Variants in LDLRAD3 observed in about 807,000 individuals in gnomAD.
The protein encoded by LDLRAD3 is low density lipoprotein receptor class A domain containing 3, also known as low-density lipoprotein receptor class A domain-containing protein 3.
LDLRAD3 carries 20 observed loss-of-function variants against 29.4 expected under a neutral mutation model. The ratio of observed to expected loss-of-function variants is 0.68; its 90% CI spans 0.48 to 0.99. The LOEUF is 0.99. Among genes scored for constraint, LDLRAD3 ranks in the 50% least tolerant of loss-of-function variants. LDLRAD3 has a pLI of 0.00. For missense variants in LDLRAD3, 420 were observed against 454.3 expected (o/e 0.92, Z 0.69); for synonymous variants, 157 against 192.7 (o/e 0.81, Z 1.53).
At chr11:35,958,514 G>A (rs1341929428) in intron 1 of LDLRAD3, among the ~76,000 whole-genome samples, 1 of 152,168 alleles carries the variant, frequency 6.6e-6, no homozygotes, top group Non-Finnish European at 1.5e-5. Flanking sequence ...GAGATCTGAT[G>A]TCAGTCACCT....
At chr11:36,030,977 T>C (rs997492962) in intron 1 of LDLRAD3, among the ~76,000 whole-genome samples, 32 of 152,210 alleles carry the variant, frequency 2.1e-4, no homozygotes, top group Admixed American at 7.8e-4. Context: ...GTTGCCCCAG[T>C]TTGGGCCCCC....
intron 4 of LDLRAD3, among the ~76,000 whole-genome samples, chr11:36,221,878 C>CT (rs1275595749): frequency 6.6e-6 from 1 of 152,086 alleles, no homozygotes; most frequent in African/African-American, 2.4e-5. Flanking sequence ...CTGAACTTTG[C>CT]TTTTTTCCCC....
chr11:36,018,009 G>C lies in LDLRAD3; in HGVS notation c.47-18094G>C, dbSNP rs79256525. 1.3e-3 allele frequency among the ~76,000 whole-genome samples: 195 copies of C among 152,300 alleles called. 6 individuals are homozygous for C. The East Asian group carries it at 0.036, about 28-fold the overall frequency. On this transcript the variant is annotated intron_variant, in intron 1 of 5. Transcript: ENST00000315571. ...GTAAGCTGAACCAGTTGAGATGTCT[G>C]TGGGTTATTATTTCTGTTGTTTATC...
chr11:36,227,391 G>C lies in LDLRAD3; in HGVS notation c.761G>C (p.Gly254Ala). 2 of 1,605,452 alleles carry C rather than the reference G, an allele frequency of 1.2e-6. No individual in the cohort carries two copies. Among genetic ancestry groups the C allele is most frequent in the Non-Finnish European group, 1.7e-6 (2 of 1,175,756 alleles). The change falls in exon 5 of 6, where the codon GGC becomes GCC. Residue 254 changes from glycine (G) to alanine (A), a missense_variant. Gly to Ala is a moderately conservative substitution (Grantham distance 60). Coordinates refer to ENST00000315571, the MANE Select transcript of LDLRAD3 (RefSeq NM_174902.4). ...SQAEQNASEV[G>A]SPPSYSEALL... is the part of the protein sequence containing the mutation. ...GCGGAGCAGAATGCGTCGGAAGTAG[G>C]CTCCCCACCCTCCTACTCCGAGGCC...
chr11:36,124,354 A>C (rs1422260548), intron 4 of LDLRAD3, among the ~76,000 whole-genome samples: 1 of 152,238 alleles, frequency 6.6e-6, no homozygotes, highest in African/African-American at 2.4e-5. Flanking sequence ...GCCAGGCACT[A>C]GCATAGGTAG....
At chr11:35,962,386 G>A (rs895573538) in intron 1 of LDLRAD3, among the ~76,000 whole-genome samples, 2 of 152,016 alleles carry the variant, frequency 1.3e-5, no homozygotes, top group Middle Eastern at 3.2e-3. Context: ...TCTCAGTCTC[G>A]TTTTGCCTCT....
intron 4 of LDLRAD3, among the ~76,000 whole-genome samples, chr11:36,128,401 A>G (rs561733732): frequency 1.3e-5 from 2 of 152,056 alleles, no homozygotes; most frequent in Non-Finnish European, 2.9e-5. Flanking sequence ...CCAAACCACC[A>G]TGCACAGATG....
chr11:36,208,328 A>G (rs1855238320), intron 4 of LDLRAD3, among the ~76,000 whole-genome samples: 1 of 152,258 alleles, frequency 6.6e-6, no homozygotes, highest in African/African-American at 2.4e-5. Flanking sequence ...TGTTTCACAC[A>G]GTTCTGGAGC....
At chr11:36,081,895 C>A (rs1853121771) in intron 3 of LDLRAD3, 117 bp downstream of exon 3, 2 of 1,198,078 alleles carry the variant, frequency 1.7e-6, no homozygotes, top group Non-Finnish European at 2.3e-6. Flanking sequence ...GCATTCTCTT[C>A]TGTTACCCAG....
intron 2 of LDLRAD3, among the ~76,000 whole-genome samples, chr11:36,038,225 GTAT>G (rs1454505492): frequency 6.6e-6 from 1 of 152,134 alleles, no homozygotes; most frequent in Non-Finnish European, 1.5e-5. Flanking sequence ...TTTTTTAAAA[GTAT>G]TATTATGTCT....
At chr11:36,062,281 C>CA (rs1189990786) in intron 2 of LDLRAD3, among the ~76,000 whole-genome samples, 1 of 152,112 alleles carries the variant, frequency 6.6e-6, no homozygotes, top group Non-Finnish European at 1.5e-5. Context: ...TCTGAAAAGG[C>CA]AAAAAATCCA....
At chr11:36,145,698 GACCTTACCCCCA>G (rs202080447) in intron 4 of LDLRAD3, among the ~76,000 whole-genome samples, 1,930 of 151,690 alleles carry the variant, frequency 0.013, 53 homozygotes, top group African/African-American at 0.044. Flanking sequence ...GTTAATCTGT[GACCTTACCCCCA>G]ACCCTGTGCT....
chr11:36,040,604 T>A (rs918721135), intron 2 of LDLRAD3, among the ~76,000 whole-genome samples: 4 of 152,210 alleles, frequency 2.6e-5, no homozygotes, highest in Admixed American at 2.6e-4. Context: ...TCTTTCCAGT[T>A]TTCCACTATG....
At chr11:36,144,387 C>T (rs1854137926) in intron 4 of LDLRAD3, among the ~76,000 whole-genome samples, 3 of 142,034 alleles carry the variant, frequency 2.1e-5, no homozygotes, top group Admixed American at 6.9e-5. Flanking sequence ...TGCCTGGCCG[C>T]CCATCATCTG....
intron 1 of LDLRAD3, among the ~76,000 whole-genome samples, chr11:36,028,606 G>A (rs184465143): frequency 2.0e-4 from 31 of 152,152 alleles, no homozygotes; most frequent in Non-Finnish European, 4.4e-5. Flanking sequence ...TTTGATAATG[G>A]GAAGCACTAA....
chr11:36,050,446 G>A (rs1442760760), intron 2 of LDLRAD3, among the ~76,000 whole-genome samples: 3 of 152,194 alleles, frequency 2.0e-5, no homozygotes, highest in Admixed American at 6.5e-5. Flanking sequence ...TGAAGCTGTT[G>A]GATGACAGGG....
intron 1 of LDLRAD3, among the ~76,000 whole-genome samples, chr11:36,028,929 T>C (rs1410223636): frequency 1.3e-5 from 2 of 152,138 alleles, no homozygotes; most frequent in Non-Finnish European, 2.9e-5. Flanking sequence ...GCCTGTTTCA[T>C]AGGGCAATTG....
intron 4 of LDLRAD3, among the ~76,000 whole-genome samples, chr11:36,209,802 T>C (rs1327005053): frequency 6.6e-6 from 1 of 152,246 alleles, no homozygotes; most frequent in African/African-American, 2.4e-5. Flanking sequence ...GTTAAAAGTA[T>C]GTATTGATGT....
intron 4 of LDLRAD3, among the ~76,000 whole-genome samples, chr11:36,171,488 G>A (rs1272178367): frequency 6.6e-6 from 1 of 152,178 alleles, no homozygotes; most frequent in Middle Eastern, 3.2e-3. Flanking sequence ...GAGAGATGAG[G>A]ATCCAGTTTC....
Sources: allele counts gnomAD v4.1 joint callset (sites outside exome capture counted in the v4.1 genomes callset), GRCh38; gene constraint gnomAD v4.1.1; transcripts MANE v1.5; gene names NCBI Gene and HGNC (gene_info 2026-07-23, HGNC 2026-07-21).